IP6K2: variants seen among roughly 807,000 people sequenced by gnomAD.
IP6K2 encodes inositol hexakisphosphate kinase 2.
A neutral mutation model predicts 43.3 loss-of-function variants in IP6K2; 9 were observed. The ratio of observed to expected loss-of-function variants is 0.21; its 90% CI spans 0.13 to 0.36. The LOEUF (loss-of-function observed/expected upper bound fraction) is 0.36. Among genes scored for constraint, IP6K2 ranks in the 10% least tolerant of loss-of-function variants. The pLI is 1.00. For synonymous variants in IP6K2, 209 were observed against 202.4 expected (o/e 1.03, Z -0.28); for missense variants, 332 against 538.4 (o/e 0.62, Z 3.79).
chr3:48,694,137 G>A (rs550916337), intron 2 of IP6K2: 65 of 1,533,060 alleles, frequency 4.2e-5, no homozygotes, highest in Admixed American at 2.8e-4. Flanking sequence ...CAGAGGAGCC[G>A]GGGTGGGGTA....
Position 48,695,121 on chromosome 3 carries a change from A to C in IP6K2, c.171T>G (p.Ala57=). The change falls in exon 2 of 6, where the codon GCT becomes GCG. Residue 57 remains alanine, a synonymous_variant. Coordinates refer to ENST00000328631, the MANE Select transcript of IP6K2 (RefSeq NM_016291.4). The surrounding 1 kb of genome is among the most constrained non-coding windows in gnomAD (Gnocchi z 4.6). The part of the protein sequence containing the change: ...REHQFYETLP[A]EMRKFTPQYK... ...ACTGGGGAGTGAATTTGCGCATCTC[A>C]GCAGGGAGGGTCTCGTAGAACTGAT... 1 of 1,612,530 alleles carries C rather than the reference A, an allele frequency of 6.2e-7. No homozygotes were observed. The highest frequency in any genetic ancestry group is 8.5e-7 in the Non-Finnish European group (1 of 1,178,618).
intron 1 of IP6K2, among the ~76,000 whole-genome samples, chr3:48,711,054 A>G (rs2080452880): frequency 6.6e-6 from 1 of 152,128 alleles, no homozygotes; most frequent in Non-Finnish European, 1.5e-5. Context: ...GACTACAGGC[A>G]CATGCCACCA....
Position 48,706,061 on chromosome 3 carries a change from GCCGTGCA to G in IP6K2, c.-130-10647_-130-10641del, listed in dbSNP as rs1207454046. ...TCTCTACTAAAAATACAAAAAATTA[GCCGTGCA>G]TGGTGGTGGGCGCCTATATTCCAAG... On this transcript the variant is annotated intron_variant, in intron 1 of 5. Coordinates refer to ENST00000328631, the MANE Select transcript of IP6K2 (RefSeq NM_016291.4). Among the ~76,000 whole-genome samples, 12 of 70,006 alleles carry G rather than the reference GCCGTGCA, an allele frequency of 1.7e-4. No individual in the cohort carries two copies. The South Asian group carries it at 0.017, about 97-fold the overall frequency. The allele number at this position is 70,006 out of a possible 152,430, so 45.9% of individuals were successfully genotyped here. A position where few individuals can be genotyped will look rare whatever the true frequency, so the allele number is the denominator to read the frequency against.
At chr3:48,714,111 C>G (rs561288274) in intron 1 of IP6K2, among the ~76,000 whole-genome samples, 10 of 152,308 alleles carry the variant, frequency 6.6e-5, no homozygotes, top group Non-Finnish European at 5.9e-5. Context: ...AGCGAGACTC[C>G]GTCTCATTAA....
chr3:48,693,399 CCT>C (rs1321606129), intron 2 of IP6K2: 2 of 1,236,416 alleles, frequency 1.6e-6, no homozygotes, highest in African/African-American at 3.0e-5. Context: ...TGAGAGTCTT[CCT>C]CTCTGATGTA....
At chr3:48,715,781 G>A (rs532382509) in intron 1 of IP6K2, among the ~76,000 whole-genome samples, 1 of 149,692 alleles carries the variant, frequency 6.7e-6, no homozygotes, top group East Asian at 2.0e-4. Context: ...GAACTGCTGG[G>A]CTCAAGTGAT....
intron 1 of IP6K2, among the ~76,000 whole-genome samples, chr3:48,698,462 C>T (rs1395388635): frequency 6.6e-6 from 1 of 152,034 alleles, no homozygotes; most frequent in Non-Finnish European, 1.5e-5. Context: ...TAAGCCCCAT[C>T]TCTACAATTT....
chr3:48,688,624 C>T lies in IP6K2; in HGVS notation c.930G>A (p.Lys310=). Residue 310 remains lysine (K), a synonymous_variant, in exon 6 of 6, where the codon AAG becomes AAA. Coordinates refer to ENST00000328631, the MANE Select transcript of IP6K2 (RefSeq NM_016291.4). This position sits in a 1 kb window ranked among gnomAD's most constrained non-coding sequence, Gnocchi z 5.1. The stretch of plus-strand genomic sequence containing the variant: ...CCAACACTGCCTTGAGCTCAGTCAG[C>T]TTCTTGAGCACAGGGCCCAGGAGTT... The part of the protein sequence containing the change: ...RRELLGPVLK[K]LTELKAVLER... 6.2e-7 allele frequency: 1 copy of T among 1,614,260 alleles called. No individual in the cohort carries two copies. The highest frequency in any genetic ancestry group is 2.2e-5 in the East Asian group (1 of 44,886).
rs115546055 is a variant in IP6K2, at chr3:48,715,575, G to T, written c.-131+1582C>A. The T allele has an allele frequency of 1.1e-3, 1,183 of 1,048,818 alleles. 13 individuals carry two copies. In the African/African-American group the frequency reaches 0.016, roughly 14 times the overall value. 65.0% of individuals were successfully genotyped at this position (1,048,818 alleles called of 1,614,324 possible). On this transcript the variant is annotated intron_variant, in intron 1 of 5. Coordinates refer to ENST00000328631, the MANE Select transcript of IP6K2 (RefSeq NM_016291.4). ...ATTATATCTGTTACACTGATTTCTA[G>T]ATCTCCCAGGTCCCTGCCTTGCTCC...
chr3:48,694,244 G>GA (rs901489097), intron 2 of IP6K2: 2 of 1,551,142 alleles, frequency 1.3e-6, no homozygotes, highest in African/African-American at 1.4e-5. Flanking sequence ...CTTTGTCCTG[G>GA]AAAAAAACAA....
chr3:48,689,530 C>T lies in IP6K2; in HGVS notation c.780+8G>A, dbSNP rs531606578. 26 of 1,608,340 alleles carry T rather than the reference C, an allele frequency of 1.6e-5. No homozygotes were observed. Among genetic ancestry groups the T allele is most frequent in the Non-Finnish European group, 2.1e-5 (25 of 1,177,810 alleles). On this transcript the variant is annotated splice_region_variant and intron_variant, in intron 5 of 5. Coordinates refer to ENST00000328631, the MANE Select transcript of IP6K2 (RefSeq NM_016291.4). Reference sequence around the variant, plus strand: ...GGATGCCCTAGCCAGCCCTAGCATCCCCCTCACCTGCATGCCACACACACG... The same window carrying T: ...GGATGCCCTAGCCAGCCCTAGCATCTCCCTCACCTGCATGCCACACACACG...
intron 1 of IP6K2, chr3:48,715,508 CCTGT>C: frequency 6.6e-7 from 1 of 1,505,476 alleles, no homozygotes. Context: ...ATACAGTGTA[CCTGT>C]CTGTCACCTA....
At chr3:48,705,067 G>C (rs1011918434) in intron 1 of IP6K2, among the ~76,000 whole-genome samples, 20 of 152,018 alleles carry the variant, frequency 1.3e-4, no homozygotes, top group Admixed American at 2.0e-4. Context: ...TCAGCCTCCC[G>C]AGTAGCTGGG....
At chr3:48,693,842 A>G (rs1256111572) in intron 2 of IP6K2, 1 of 1,142,400 alleles carries the variant, frequency 8.8e-7, no homozygotes, top group Non-Finnish European at 1.1e-6. Flanking sequence ...CAAGGCAGAT[A>G]GAGCTGGTTG....
At position 48,688,437 on chromosome 3, in the gene IP6K2, C is replaced by A; in HGVS notation, c.1117G>T (p.Gly373Cys). 6.2e-7 allele frequency: 1 copy of A among 1,614,220 alleles called. No homozygotes were observed. Among genetic ancestry groups the A allele is most frequent in the South Asian group, 1.1e-5 (1 of 91,088 alleles). Reference protein sequence around the residue: ...SAGAYAYKPIGASSVDVRMID... With the variant: ...SAGAYAYKPICASSVDVRMID... ...ATGCGCACATCTACAGAGCTGGCGC[C>A]GATGGGTTTGTAGGCATAGGCACCA... Residue 373 changes from glycine (G) to cysteine (C), a missense_variant, in exon 6 of 6, where the codon GGC becomes TGC. Coordinates refer to ENST00000328631, the MANE Select transcript of IP6K2 (RefSeq NM_016291.4). The surrounding 1 kb of genome is among the most constrained non-coding windows in gnomAD (Gnocchi z 5.1).
At chr3:48,691,721 C>T (rs1322305706) in intron 3 of IP6K2, among the ~76,000 whole-genome samples, 1 of 152,076 alleles carries the variant, frequency 6.6e-6, no homozygotes, top group Non-Finnish European at 1.5e-5. Flanking sequence ...TCACTTGAAC[C>T]TGGGAGGCAG....
At chr3:48,706,899 A>C (rs1006964129) in intron 1 of IP6K2, among the ~76,000 whole-genome samples, 3 of 152,184 alleles carry the variant, frequency 2.0e-5, no homozygotes, top group Non-Finnish European at 4.4e-5. Context: ...TTTCTTCTGC[A>C]TTTTTAAATG....
At chr3:48,692,390 T>G (rs556954664) in intron 3 of IP6K2, among the ~76,000 whole-genome samples, 9 of 152,354 alleles carry the variant, frequency 5.9e-5, no homozygotes, top group Admixed American at 5.9e-4. Context: ...TTCTAGGCAG[T>G]GGTACCACCT....
rs2077506026 is a variant in IP6K2 at position 48,688,342 on chromosome 3, A to G, written c.1212T>C (p.Ala404=). ...GGCTCTGGAGCCCGAAGATATAGCC[A>G]GCATCCTGGCCCTCATGCACCACGG... The part of the protein sequence containing the change: ...EDTVVHEGQD[A]GYIFGLQSLI... Residue 404 remains alanine (A), a synonymous_variant, in exon 6 of 6, where the codon GCT becomes GCC. Coordinates refer to ENST00000328631, the MANE Select transcript of IP6K2 (RefSeq NM_016291.4). The surrounding 1 kb of genome is among the most constrained non-coding windows in gnomAD (Gnocchi z 5.1). 1 of 1,614,118 alleles carries G rather than the reference A, an allele frequency of 6.2e-7. No homozygotes were observed. The highest frequency in any genetic ancestry group is 1.3e-5 in the African/African-American group (1 of 74,934).
Sources: allele counts gnomAD v4.1 joint callset (sites outside exome capture counted in the v4.1 genomes callset), GRCh38; gene constraint gnomAD v4.1.1; non-coding constraint Gnocchi (gnomAD v3.1); transcripts MANE v1.5; gene names NCBI Gene and HGNC (gene_info 2026-07-23, HGNC 2026-07-21).